The following MAGEA1 variants were observed in gnomAD, a reference collection of about 807,000 sequenced individuals.
The protein encoded by MAGEA1 is melanoma-associated antigen 1.
For synonymous variants in MAGEA1, 101 were observed against 96.7 expected, an observed-to-expected ratio of 1.04 and a Z score of -0.26; for missense variants, 182 against 233.7, an observed-to-expected ratio of 0.78 and a Z score of 1.44.
In MAGEA1 at chrX:153,182,473, G is replaced by T; in HGVS notation, c.84G>T (p.Val28=). The change falls in exon 3 of 3, where the codon GTG becomes GTT. Residue 28 remains valine, a synonymous_variant. Coordinates refer to ENST00000356661, the MANE Select transcript of MAGEA1 (RefSeq NM_004988.5). ...AQQEALGLVC[V]QAATSSSSPL... is the part of the protein sequence containing the mutation. Reference sequence around the variant, plus strand: ...AAGAGGCCCTGGGCCTGGTGTGTGTGCAGGCTGCCACCTCCTCCTCCTCTC... The same window carrying T: ...AAGAGGCCCTGGGCCTGGTGTGTGTTCAGGCTGCCACCTCCTCCTCCTCTC... 8.3e-7 allele frequency: 1 copy of T among 1,211,134 alleles called. No homozygotes were observed. Among genetic ancestry groups the T allele is most frequent in the Non-Finnish European group, 1.1e-6 (1 of 895,084 alleles).
intron 1 of MAGEA1, among the ~76,000 whole-genome samples, chrX:153,180,001 G>A (rs896718684): frequency 7.4e-5 from 8 of 108,634 alleles, no homozygotes; most frequent in Non-Finnish European, 1.3e-4. Flanking sequence ...TCTGAGGGGC[G>A]GCTTGAGATC....
At chrX:153,181,121 G>T (rs1023168182) in intron 1 of MAGEA1, among the ~76,000 whole-genome samples, 20 of 111,173 alleles carry the variant, frequency 1.8e-4, no homozygotes, top group African/African-American at 6.5e-4. Flanking sequence ...GGTTGAGGAA[G>T]CACAGGCGCT....
chrX:153,183,368 C>A lies in MAGEA1; in HGVS notation c.*49C>A. The A allele has an allele frequency of 8.9e-7, 1 of 1,127,232 alleles. No homozygotes were observed. The highest frequency in any genetic ancestry group is 2.4e-5 in the Admixed American group (1 of 42,272). The allele number at this position is 1,127,232 out of a possible 1,213,427, so 92.9% of individuals were successfully genotyped here. ...TGGGAGGGGGACTGGGCCAGTGCAC[C>A]TTCCAGGGCCGCGTCCAGCAGCTTC... On this transcript the variant is annotated 3_prime_UTR_variant, in exon 3 of 3. Coordinates refer to ENST00000356661, the MANE Select transcript of MAGEA1 (RefSeq NM_004988.5).
At chrX:153,180,011 C>T (rs1012441148) in intron 1 of MAGEA1, among the ~76,000 whole-genome samples, 1 of 108,484 alleles carries the variant, frequency 9.2e-6, no homozygotes, top group Non-Finnish European at 1.9e-5. Flanking sequence ...GGCTTGAGAT[C>T]CACTGAGGGG....
chrX:153,181,615 C>T (rs921511398), intron 1 of MAGEA1, among the ~76,000 whole-genome samples: 1 of 111,401 alleles, frequency 9.0e-6, no homozygotes, highest in African/African-American at 3.3e-5. Flanking sequence ...TCACCCAGGA[C>T]ACATTAATTC....
rs1182968785 is a variant in MAGEA1, at chrX:153,183,242, A to G, written c.853A>G (p.Lys285Glu). ...SYVKVLEYVI[K>E]VSARVRFFFP... Reference sequence around the variant, plus strand: ...TGTGAAAGTCCTTGAGTATGTGATCAAGGTCAGTGCAAGAGTTCGCTTTTT... The same window carrying G: ...TGTGAAAGTCCTTGAGTATGTGATCGAGGTCAGTGCAAGAGTTCGCTTTTT... The change falls in exon 3 of 3, where the codon AAG becomes GAG. Residue 285 changes from lysine (K) to glutamate (E), a missense_variant. Physicochemically the swap from Lys to Glu is moderately conservative, Grantham distance 56. Transcript: ENST00000356661. The G allele has an allele frequency of 8.3e-7, 1 of 1,210,790 alleles. No individual in the cohort carries two copies. The highest frequency in any genetic ancestry group is 1.7e-5 in the African/African-American group (1 of 57,404).
chrX:153,180,291 C>T (rs1012886733), intron 1 of MAGEA1, among the ~76,000 whole-genome samples: 4 of 111,440 alleles, frequency 3.6e-5, no homozygotes, highest in Admixed American at 9.4e-5. Flanking sequence ...TCCAGGCATC[C>T]GCCCGGCATT....
intron 1 of MAGEA1, 28 bp from the exon 2 acceptor site, chrX:153,182,149 C>G: frequency 1.4e-6 from 1 of 689,953 alleles, no homozygotes; most frequent in Non-Finnish European, 2.3e-6. Flanking sequence ...CGGCTGTACC[C>G]TGAGTACCCT....
At position 153,183,568 on chromosome X, in the gene MAGEA1, T is replaced by C. The variant is rs1345194334; in HGVS notation, c.*249T>C. The C allele has an allele frequency of 4.9e-6, 2 of 409,537 alleles. No homozygotes were observed. The highest frequency in any genetic ancestry group is 8.9e-6 in the Non-Finnish European group (2 of 224,093). The allele number at this position is 409,537 out of a possible 1,213,427, so 33.8% of individuals were successfully genotyped here. ...GAATGAACTTCAGCATCCAAGTTTATGAATGACAGCAGTCACACAGTTCTG... is the reference window on the plus strand; with the variant it reads ...GAATGAACTTCAGCATCCAAGTTTACGAATGACAGCAGTCACACAGTTCTG... On this transcript the variant is annotated 3_prime_UTR_variant, in exon 3 of 3. Transcript: ENST00000356661.
chrX:153,182,454 C>G lies in MAGEA1; in HGVS notation c.65C>G (p.Ala22Gly). The change falls in exon 3 of 3, where the codon GCC (alanine) becomes GGC (glycine). Residue 22 changes from alanine (A) to glycine (G), a missense_variant. Physicochemically the swap from Ala to Gly is moderately conservative, Grantham distance 60. Transcript: ENST00000356661. ...PEEALEAQQEALGLVCVQAAT... is the reference protein window; with the variant it reads ...PEEALEAQQEGLGLVCVQAAT... ...GAAGCCCTTGAGGCCCAACAAGAGGCCCTGGGCCTGGTGTGTGTGCAGGCT... is the reference window on the plus strand; with the variant it reads ...GAAGCCCTTGAGGCCCAACAAGAGGGCCTGGGCCTGGTGTGTGTGCAGGCT... 1 of 1,211,153 alleles carries G rather than the reference C, an allele frequency of 8.3e-7. No individual in the cohort carries two copies. The highest frequency in any genetic ancestry group is 1.1e-6 in the Non-Finnish European group (1 of 895,113).
chrX:153,182,328 T>A lies in MAGEA1; in HGVS notation c.-62T>A. Reference sequence around the variant, plus strand: ...CACACACTCCCTCTCTCCCCAGGCCTGTGGGTCTTCATTGCCCAGCTCCTG... The same window carrying A: ...CACACACTCCCTCTCTCCCCAGGCCAGTGGGTCTTCATTGCCCAGCTCCTG... On this transcript the variant is annotated 5_prime_UTR_variant, in exon 3 of 3. Coordinates refer to ENST00000356661, the MANE Select transcript of MAGEA1 (RefSeq NM_004988.5). The A allele has an allele frequency of 1.9e-6, 2 of 1,072,197 alleles. No homozygotes were observed. The highest frequency in any genetic ancestry group is 1.8e-5 in the African/African-American group (1 of 55,103). 88.4% of individuals were successfully genotyped at this position (1,072,197 alleles called of 1,213,427 possible).
chrX:153,180,486 A>C (rs1380237724), intron 1 of MAGEA1, among the ~76,000 whole-genome samples: 1 of 111,501 alleles, frequency 9.0e-6, no homozygotes, highest in African/African-American at 3.3e-5. Context: ...TGACGTCCCC[A>C]TCCAGGGCTG....
chrX:153,183,282 G>T lies in MAGEA1; in HGVS notation c.893G>T (p.Arg298Leu), dbSNP rs376635182. The T allele has an allele frequency of 2.5e-6, 3 of 1,209,410 alleles. No homozygotes were observed. The highest frequency in any genetic ancestry group is 2.2e-6 in the Non-Finnish European group (2 of 894,670). ...ARVRFFFPSL[R>L]EAALREEEEG... ...GTTCGCTTTTTCTTCCCATCCCTGC[G>T]TGAAGCAGCTTTGAGAGAGGAGGAA... The change falls in exon 3 of 3, where the codon CGT becomes CTT. Residue 298 changes from arginine to leucine, a missense_variant. Transcript: ENST00000356661.
chrX:153,181,349 G>A (rs908811023), intron 1 of MAGEA1, among the ~76,000 whole-genome samples: 5 of 111,332 alleles, frequency 4.5e-5, no homozygotes, highest in East Asian at 5.7e-4. Flanking sequence ...TCTGCCATGC[G>A]TTCGGGTGAG....
chrX:153,181,819 T>C (rs1322610745), intron 1 of MAGEA1, among the ~76,000 whole-genome samples: 2 of 109,783 alleles, frequency 1.8e-5, no homozygotes, highest in African/African-American at 3.3e-5. Flanking sequence ...ACAGAGGGGG[T>C]CATCCACTGC....
chrX:153,183,348 G>A lies in MAGEA1; in HGVS notation c.*29G>A. On this transcript the variant is annotated 3_prime_UTR_variant, in exon 3 of 3. Coordinates refer to ENST00000356661, the MANE Select transcript of MAGEA1 (RefSeq NM_004988.5). ...TGAGTTGCAGCCAAGGCCAGTGGGA[G>A]GGGGACTGGGCCAGTGCACCTTCCA... 2 of 1,181,855 alleles carry A rather than the reference G, an allele frequency of 1.7e-6. No individual in the cohort carries two copies. The highest frequency in any genetic ancestry group is 2.2e-5 in the Admixed American group (1 of 45,066).
At chrX:153,179,840 C>T (rs892908799) in intron 1 of MAGEA1, among the ~76,000 whole-genome samples, 1 of 108,913 alleles carries the variant, frequency 9.2e-6, no homozygotes, top group East Asian at 2.9e-4. Context: ...CCACCCTCAT[C>T]TCTCTCATGT....
intron 1 of MAGEA1, among the ~76,000 whole-genome samples, 167 bp from the exon 2 acceptor site, chrX:153,182,010 G>A (rs1275532503): frequency 3.6e-5 from 4 of 111,296 alleles, no homozygotes; most frequent in African/African-American, 1.3e-4. Flanking sequence ...GGATGCACAG[G>A]GTGTGCCAGC....
rs782464959 is a variant in MAGEA1 at position 153,183,204 on chromosome X, C to G, written c.815C>G (p.Ala272Gly). 1 of 1,212,265 alleles carries G rather than the reference C, an allele frequency of 8.2e-7. No homozygotes were observed. The highest frequency in any genetic ancestry group is 1.7e-5 in the African/African-American group (1 of 57,928). Residue 272 changes from alanine (A) to glycine (G), a missense_variant, in exon 3 of 3, where the codon GCT becomes GGT. Transcript: ENST00000356661. Reference protein sequence around the residue: ...YEFLWGPRALAETSYVKVLEY... With the variant: ...YEFLWGPRALGETSYVKVLEY... ...TTCCTGTGGGGTCCAAGGGCCCTCG[C>G]TGAAACCAGCTATGTGAAAGTCCTT...
Sources: allele counts gnomAD v4.1 joint callset (sites outside exome capture counted in the v4.1 genomes callset), GRCh38; gene constraint gnomAD v4.1.1; transcripts MANE v1.5; gene names NCBI Gene and HGNC (gene_info 2026-07-23, HGNC 2026-07-21).